The following CTNND2 variants were observed in gnomAD, a reference collection of about 807,000 sequenced individuals.
CTNND2 encodes the protein catenin delta-2.
A neutral mutation model predicts 144.4 loss-of-function variants in CTNND2; 22 were observed. That is an observed-to-expected ratio of 0.15 (90% confidence interval 0.11 to 0.22). CTNND2 has a LOEUF of 0.22. CTNND2 is among the 10% of genes least tolerant of loss of function. The probability of loss-of-function intolerance (pLI) is 1.00; values close to 1 mark genes in which losing one functional copy is unlikely to be tolerated. For synonymous variants in CTNND2, 751 were observed against 695.6 expected (o/e 1.08, Z -1.25); for missense variants, 1,353 against 1,618.8 (o/e 0.84, Z 2.82).
At chr5:11,169,422 T>TA (rs986051145) in intron 11 of CTNND2, among the ~76,000 whole-genome samples, 8 of 152,182 alleles carry the variant, frequency 5.3e-5, no homozygotes, top group African/African-American at 1.9e-4. Flanking sequence ...TCATCTTTGG[T>TA]AAAAAATAGA....
chr5:11,288,701 T>A (rs367706503), intron 9 of CTNND2, among the ~76,000 whole-genome samples: 1 of 152,058 alleles, frequency 6.6e-6, no homozygotes, highest in African/African-American at 2.4e-5. Context: ...GTGTTCAGAA[T>A]TGACTTTTTT....
chr5:11,174,750 G>C (rs752899146), intron 11 of CTNND2, among the ~76,000 whole-genome samples: 5 of 152,234 alleles, frequency 3.3e-5, no homozygotes, highest in Non-Finnish European at 7.3e-5. Flanking sequence ...GGAATTTCCT[G>C]AGTCAAGGCA....
At chr5:11,459,252 C>G (rs529466757) in intron 3 of CTNND2, among the ~76,000 whole-genome samples, 1 of 152,038 alleles carries the variant, frequency 6.6e-6, no homozygotes, top group African/African-American at 2.4e-5. Context: ...ACAATGCTGT[C>G]GATGATGAAA....
chr5:11,795,960 C>G (rs375598724), intron 1 of CTNND2, among the ~76,000 whole-genome samples: 10 of 152,326 alleles, frequency 6.6e-5, no homozygotes, highest in African/African-American at 2.4e-4. Context: ...GGCAGAGAAT[C>G]TGTTTCCTTG....
intron 1 of CTNND2, among the ~76,000 whole-genome samples, chr5:11,795,200 G>GC (rs899916303): frequency 1.3e-5 from 2 of 152,180 alleles, no homozygotes; most frequent in Non-Finnish European, 2.9e-5. Context: ...CCCACAGGGT[G>GC]CGGCAGTAGC....
chr5:11,570,645 CT>C lies in CTNND2; in HGVS notation c.175-5590del, dbSNP rs528048245. Among the ~76,000 whole-genome samples, 674 of 147,436 alleles carry C rather than the reference CT, an allele frequency of 4.6e-3. 6 individuals carry two copies. Among genetic ancestry groups the C allele is most frequent in the African/African-American group, 0.015 (623 of 40,326 alleles). On this transcript the variant is annotated intron_variant, in intron 2 of 21. Coordinates refer to ENST00000304623, the MANE Select transcript of CTNND2 (RefSeq NM_001332.4). ...TTTCAGAGGTTTTCTTTTCTTTTTT[CT>C]TTTTTTTTTATGAAATCTGCTTTCA...
chr5:11,867,433 C>T (rs1795823941), intron 1 of CTNND2, among the ~76,000 whole-genome samples: 2 of 152,270 alleles, frequency 1.3e-5, no homozygotes, highest in South Asian at 2.1e-4. Flanking sequence ...AGAACTTTAA[C>T]GAGCTGTTTA....
intron 3 of CTNND2, among the ~76,000 whole-genome samples, chr5:11,456,621 A>G (rs1264267588): frequency 6.6e-6 from 1 of 152,144 alleles, no homozygotes; most frequent in Non-Finnish European, 1.5e-5. Flanking sequence ...ATATTTTCCA[A>G]AAGTACATCC....
At chr5:11,602,935 G>A (rs1779877525) in intron 2 of CTNND2, among the ~76,000 whole-genome samples, 1 of 147,506 alleles carries the variant, frequency 6.8e-6, no homozygotes, top group South Asian at 2.1e-4. Flanking sequence ...AAATTGATGA[G>A]GGAAAAAATC....
At chr5:11,124,451 C>T (rs746589817) in intron 12 of CTNND2, among the ~76,000 whole-genome samples, 3 of 152,068 alleles carry the variant, frequency 2.0e-5, no homozygotes, top group African/African-American at 7.2e-5. Context: ...CTCGATTCCA[C>T]GAAGCACACT....
At chr5:11,680,156 T>C (rs980555193) in intron 2 of CTNND2, among the ~76,000 whole-genome samples, 2 of 152,066 alleles carry the variant, frequency 1.3e-5, no homozygotes, top group Non-Finnish European at 2.9e-5. Flanking sequence ...GACCACAGGA[T>C]GCTGAGAAAC....
intron 16 of CTNND2, among the ~76,000 whole-genome samples, chr5:11,080,206 G>A (rs1007868332): frequency 1.3e-5 from 2 of 152,144 alleles, no homozygotes; most frequent in African/African-American, 4.8e-5. Context: ...CAAATGGCTA[G>A]CACATATATG....
intron 15 of CTNND2, among the ~76,000 whole-genome samples, chr5:11,086,337 T>C (rs1383185676): frequency 6.6e-6 from 1 of 151,694 alleles, no homozygotes; most frequent in East Asian, 1.9e-4. Context: ...TAGAACAGAG[T>C]TGATTCTACA....
At chr5:11,314,665 C>T (rs1237377287) in intron 9 of CTNND2, among the ~76,000 whole-genome samples, 1 of 152,228 alleles carries the variant, frequency 6.6e-6, no homozygotes, top group Non-Finnish European at 1.5e-5. Context: ...CTGCACCTGG[C>T]CCAGACTGGC....
intron 10 of CTNND2, among the ~76,000 whole-genome samples, chr5:11,210,181 G>T (rs1056730897): frequency 1.3e-5 from 2 of 152,102 alleles, no homozygotes; most frequent in African/African-American, 4.8e-5. Context: ...CAGATCACTT[G>T]AGGTCAGGAG....
At chr5:11,155,270 G>A (rs1179148879) in intron 12 of CTNND2, among the ~76,000 whole-genome samples, 1 of 152,166 alleles carries the variant, frequency 6.6e-6, no homozygotes, top group African/African-American at 2.4e-5. Flanking sequence ...AACAATGAGT[G>A]CAAAACTGAA....
At chr5:11,859,296 A>C (rs2127021282) in intron 1 of CTNND2, among the ~76,000 whole-genome samples, 1 of 152,274 alleles carries the variant, frequency 6.6e-6, no homozygotes, top group Middle Eastern at 3.4e-3. Context: ...TTGTTTCATA[A>C]TTTGCACTAT....
At chr5:11,403,083 T>C (rs1239354547) in intron 5 of CTNND2, among the ~76,000 whole-genome samples, 1 of 152,180 alleles carries the variant, frequency 6.6e-6, no homozygotes, top group Non-Finnish European at 1.5e-5. Context: ...ATGTGCAGAA[T>C]GTGCAGGTGT....
intron 9 of CTNND2, among the ~76,000 whole-genome samples, chr5:11,295,238 T>C (rs1748786184): frequency 6.6e-6 from 1 of 152,108 alleles, no homozygotes; most frequent in Non-Finnish European, 1.5e-5. Context: ...CACAATTGCT[T>C]CAAAGAGAAT....
Sources: allele counts gnomAD v4.1 joint callset (sites outside exome capture counted in the v4.1 genomes callset), GRCh38; gene constraint gnomAD v4.1.1; transcripts MANE v1.5; gene names NCBI Gene and HGNC (gene_info 2026-07-23, HGNC 2026-07-21).